Variants in SELENOF observed in about 807,000 individuals in gnomAD.
SELENOF encodes 15 kDa selenoprotein.
A neutral mutation model predicts 20.5 loss-of-function variants in SELENOF; 16 were observed. The observed-to-expected ratio is 0.78, with a 90% CI of 0.53 to 1.19. SELENOF has a LOEUF of 1.19. SELENOF is among the 50% of genes most tolerant of loss of function. The pLI, the probability that SELENOF is intolerant of heterozygous loss-of-function variation, is 0.00. For missense variants in SELENOF, 215 were observed against 194.2 expected (o/e 1.11, Z -0.64); for synonymous variants, 78 against 74.5 (o/e 1.05, Z -0.24).
chr1:86,911,256 A>G (rs973733414), intron 1 of SELENOF, among the ~76,000 whole-genome samples: 1 of 152,268 alleles, frequency 6.6e-6, no homozygotes, highest in Non-Finnish European at 1.5e-5. Flanking sequence ...GAGAGTAAGT[A>G]GAAGACAGCC....
At chr1:86,884,947 A>AT (rs2102094987) in intron 2 of SELENOF, among the ~76,000 whole-genome samples, 1 of 152,324 alleles carries the variant, frequency 6.6e-6, no homozygotes, top group East Asian at 1.9e-4. Context: ...TGACCGTCAG[A>AT]TTTTTCTAAA....
At chr1:86,901,372 C>A (rs1316522623) in intron 2 of SELENOF, among the ~76,000 whole-genome samples, 1 of 151,274 alleles carries the variant, frequency 6.6e-6, no homozygotes, top group African/African-American at 2.4e-5. Flanking sequence ...TTTATATTTC[C>A]AGTAATATTT....
At chr1:86,914,406 T>G (rs1660085903), upstream of SELENOF, 7 of 462,902 alleles carry the variant, frequency 1.5e-5, no homozygotes, top group South Asian at 1.7e-4. Flanking sequence ...TCGCCAGTTT[T>G]AGCCCCGCCT....
rs545920692 is a variant in SELENOF, at chr1:86,882,849, G to A, written c.253-2124C>T. Reference sequence around the variant, plus strand: ...TTTAAAAGGAAGCAGATTCTGACTGGGTGCAGTGGCTCACGCCTGTAATTC... The same window carrying A: ...TTTAAAAGGAAGCAGATTCTGACTGAGTGCAGTGGCTCACGCCTGTAATTC... On this transcript the variant is annotated intron_variant, in intron 2 of 4. Transcript: ENST00000331835. 9.2e-5 allele frequency among the ~76,000 whole-genome samples: 14 copies of A among 152,300 alleles called. No homozygotes were observed. In the South Asian group the frequency reaches 2.9e-3, roughly 32 times the overall value.
chr1:86,873,927 T>G (rs1339935799), intron 3 of SELENOF, among the ~76,000 whole-genome samples: 1 of 152,136 alleles, frequency 6.6e-6, no homozygotes. Flanking sequence ...AAGTGTTATT[T>G]TATCTCTTTG....
chr1:86,869,948 T>A (rs1004041218), intron 3 of SELENOF, among the ~76,000 whole-genome samples: 8 of 152,084 alleles, frequency 5.3e-5, no homozygotes, highest in African/African-American at 1.7e-4. Context: ...CTAATTTTTT[T>A]ATTTTTAGTA....
At chr1:86,871,087 C>T (rs1658752889) in intron 3 of SELENOF, among the ~76,000 whole-genome samples, 1 of 152,112 alleles carries the variant, frequency 6.6e-6, no homozygotes, top group Non-Finnish European at 1.5e-5. Context: ...TACCTTGTAG[C>T]AGCAAATCAC....
In SELENOF at chr1:86,862,953, C is replaced by A. The variant is rs1658494489; in HGVS notation, c.*521G>T. The A allele has an allele frequency of 6.6e-6, 1 of 152,626 alleles. No individual in the cohort carries two copies. Among genetic ancestry groups the A allele is most frequent in the Admixed American group, 6.5e-5 (1 of 15,282 alleles). 9.5% of individuals were successfully genotyped at this position (152,626 alleles called of 1,614,324 possible). A position where few individuals can be genotyped will look rare whatever the true frequency, so the allele number is the denominator to read the frequency against. On this transcript the variant is annotated 3_prime_UTR_variant, in exon 5 of 5. Coordinates refer to ENST00000331835, the MANE Select transcript of SELENOF (RefSeq NM_004261.5). ...ATAATGAAGCTACAAAGTTTTTATG[C>A]AGTGCATTCATTGTAAACTATAAAT...
rs372615062 is a variant in SELENOF, at chr1:86,868,885, AC to A, written c.317-784del. 2.9e-4 allele frequency among the ~76,000 whole-genome samples: 44 copies of A among 152,246 alleles called. 2 individuals are homozygous for A. The South Asian group carries it at 6.6e-3, about 23-fold the overall frequency. ...AGCAAATTAAAAATAAAAATGATAA[AC>A]TGAAGAAAATTATCTCTAACATCTA... On this transcript the variant is annotated intron_variant, in intron 3 of 4. Coordinates refer to ENST00000331835, the MANE Select transcript of SELENOF (RefSeq NM_004261.5).
At chr1:86,894,769 G>A (rs1659476746) in intron 2 of SELENOF, among the ~76,000 whole-genome samples, 1 of 152,132 alleles carries the variant, frequency 6.6e-6, no homozygotes, top group South Asian at 2.1e-4. Flanking sequence ...CCCTGGAGTT[G>A]GAGGCTGCTG....
rs148835323 is a variant in SELENOF at position 86,866,553 on chromosome 1, T to C, written c.366+1500A>G. ...GTTATAGAGAACTGTTACAGAACAA[T>C]GTGAAAATACTTAATACTGGACTGT... On this transcript the variant is annotated intron_variant, in intron 4 of 4. Coordinates refer to ENST00000331835, the MANE Select transcript of SELENOF (RefSeq NM_004261.5). Among the ~76,000 whole-genome samples the C allele has an allele frequency of 3.6e-3, 549 of 152,192 alleles. 6 individuals are homozygous for C. Among genetic ancestry groups the C allele is most frequent in the Middle Eastern group, 0.017 (5 of 294 alleles).
At chr1:86,907,212 C>T (rs1323458818) in intron 1 of SELENOF, among the ~76,000 whole-genome samples, 2 of 152,206 alleles carry the variant, frequency 1.3e-5, no homozygotes, top group East Asian at 3.8e-4. Flanking sequence ...CAGAAAGCAT[C>T]TAGCATCCCG....
At chr1:86,911,112 TAAAG>T (rs1475382945) in intron 1 of SELENOF, among the ~76,000 whole-genome samples, 1 of 152,172 alleles carries the variant, frequency 6.6e-6, no homozygotes, top group Non-Finnish European at 1.5e-5. Context: ...AAGAAATTAT[TAAAG>T]AAAACTATGG....
chr1:86,903,900 T>C (rs2102126876), intron 1 of SELENOF, among the ~76,000 whole-genome samples: 1 of 152,350 alleles, frequency 6.6e-6, no homozygotes, highest in Admixed American at 6.5e-5. Flanking sequence ...TCTTAAACTC[T>C]GTAACCTTAT....
chr1:86,900,544 T>C (rs1188525618), intron 2 of SELENOF, among the ~76,000 whole-genome samples: 3 of 151,356 alleles, frequency 2.0e-5, no homozygotes, highest in Non-Finnish European at 4.4e-5. Context: ...AGCAGTACAG[T>C]CCAGCTTCGG....
chr1:86,900,454 G>A (rs1478340616), intron 2 of SELENOF, among the ~76,000 whole-genome samples: 5 of 152,354 alleles, frequency 3.3e-5, no homozygotes, highest in South Asian at 2.1e-4. Context: ...CAGGCGTGGC[G>A]GCACGCGCCT....
intron 3 of SELENOF, among the ~76,000 whole-genome samples, chr1:86,878,566 C>T (rs1193560432): frequency 6.6e-6 from 1 of 152,132 alleles, no homozygotes; most frequent in African/African-American, 2.4e-5. Context: ...CCTGTAGTCC[C>T]AGCTACTCAG....
chr1:86,902,841 T>C (rs1659735496), intron 2 of SELENOF, among the ~76,000 whole-genome samples: 1 of 152,178 alleles, frequency 6.6e-6, no homozygotes, highest in Admixed American at 6.5e-5. Context: ...AAACTAACAG[T>C]CCATATTCTT....
chr1:86,907,264 T>C (rs1252135090), intron 1 of SELENOF, among the ~76,000 whole-genome samples: 1 of 152,198 alleles, frequency 6.6e-6, no homozygotes, highest in East Asian at 1.9e-4. Context: ...GGTATTAGGC[T>C]CACCTTCCAC....
Sources: gnomAD v4.1 joint callset for allele counts (sites outside exome capture counted in the v4.1 genomes callset) on GRCh38, gnomAD v4.1.1 for gene constraint, MANE v1.5 for transcripts, NCBI Gene and HGNC (gene_info 2026-07-23, HGNC 2026-07-21) for gene names.